The following PXDNL variants were observed in gnomAD, a reference collection of about 807,000 sequenced individuals.
The protein encoded by PXDNL is peroxidasin like, also known as probable oxidoreductase PXDNL.
Under a neutral mutation model 150.8 loss-of-function variants are expected in PXDNL, and 145 were observed. That is an observed-to-expected ratio of 0.96 (90% CI 0.84 to 1.10). The LOEUF (loss-of-function observed/expected upper bound fraction) is 1.10, where lower values mean the gene tolerates loss of function less well. Ranked by LOEUF, PXDNL falls within the 50% of genes least tolerant of loss-of-function variation. The probability of loss-of-function intolerance (pLI) is 0.00; values close to 1 mark genes in which losing one functional copy is unlikely to be tolerated. For synonymous variants in PXDNL, 757 were observed against 725.7 expected (o/e 1.04, Z -0.69); for missense variants, 2,087 against 1,873.9 (o/e 1.11, Z -2.10).
chr8:51,685,490 C>T (rs1199183791), intron 1 of PXDNL, among the ~76,000 whole-genome samples: 2 of 152,234 alleles, frequency 1.3e-5, no homozygotes, highest in Non-Finnish European at 2.9e-5. Context: ...TATAGCTGGG[C>T]TCTCCTAGTC....
rs1382312494 is a variant in PXDNL, at chr8:51,429,902, G to A, written c.1526-3144C>T. Reference sequence around the variant, plus strand: ...TTTTTCTTATGTATTTAAATCACATGGTATATTCTAAGTTAACACATGCAT... The same window carrying A: ...TTTTTCTTATGTATTTAAATCACATAGTATATTCTAAGTTAACACATGCAT... On this transcript the variant is annotated intron_variant, in intron 12 of 22. Transcript: ENST00000356297. Among the ~76,000 whole-genome samples, 5 of 151,978 alleles carry A rather than the reference G, an allele frequency of 3.3e-5. No individual in the cohort carries two copies. The South Asian group carries it at 8.3e-4, about 25-fold the overall frequency.
intron 1 of PXDNL, among the ~76,000 whole-genome samples, chr8:51,774,371 T>G (rs2037329322): frequency 6.6e-6 from 1 of 152,216 alleles, no homozygotes; most frequent in African/African-American, 2.4e-5. Flanking sequence ...AAGGCTATTC[T>G]TTATTGCTTT....
At chr8:51,399,642 C>G (rs539309159) in intron 17 of PXDNL, among the ~76,000 whole-genome samples, 29 of 152,284 alleles carry the variant, frequency 1.9e-4, no homozygotes, top group Admixed American at 5.9e-4. Context: ...TCTTTGTCTT[C>G]ACTGGGGTAA....
chr8:51,337,398 C>T (rs912254797), intron 21 of PXDNL, among the ~76,000 whole-genome samples: 2 of 152,212 alleles, frequency 1.3e-5, no homozygotes, highest in South Asian at 2.1e-4. Flanking sequence ...CCTTCTCTAG[C>T]CCAGCTCTGA....
intron 16 of PXDNL, among the ~76,000 whole-genome samples, chr8:51,410,833 G>T (rs1356330385): frequency 1.3e-5 from 2 of 152,066 alleles, no homozygotes; most frequent in East Asian, 3.9e-4. Context: ...AAAGAACTGG[G>T]GAGGTATTAT....
chr8:51,714,535 T>G (rs1459529771), intron 1 of PXDNL, among the ~76,000 whole-genome samples: 1 of 152,178 alleles, frequency 6.6e-6, no homozygotes, highest in Non-Finnish European at 1.5e-5. Flanking sequence ...TGGAAAATGC[T>G]TAAGTTTAAA....
chr8:51,644,377 T>TACACAC (rs768658260), intron 2 of PXDNL, among the ~76,000 whole-genome samples: 1 of 79,430 alleles, frequency 1.3e-5, no homozygotes, highest in South Asian at 5.6e-4. Flanking sequence ...TGTATATATA[T>TACACAC]ACACACACAT....
At chr8:51,412,259 G>C (rs551767001) in intron 15 of PXDNL, among the ~76,000 whole-genome samples, 28 of 152,218 alleles carry the variant, frequency 1.8e-4, no homozygotes, top group African/African-American at 6.7e-4. Flanking sequence ...AGTTCACTTT[G>C]GTTAAGCACT....
intron 17 of PXDNL, among the ~76,000 whole-genome samples, chr8:51,403,707 C>T (rs1032627537): frequency 4.6e-5 from 7 of 152,168 alleles, no homozygotes; most frequent in Non-Finnish European, 1.0e-4. Flanking sequence ...TGGGTTTCCG[C>T]ACCGCTATGA....
Position 51,544,123 on chromosome 8 carries a change from C to A in PXDNL, c.380+12717G>T, listed in dbSNP as rs116662118. Among the ~76,000 whole-genome samples the A allele has an allele frequency of 3.9e-3, 596 of 152,238 alleles. 8 individuals carry two copies. The highest frequency in any genetic ancestry group is 0.014 in the African/African-American group (578 of 41,540). ...GTGTATGTAAAAGGAGAAAATAATA[C>A]CTAATCAAAAGGTCTTTACCTTTGG... On this transcript the variant is annotated intron_variant, in intron 4 of 22. Coordinates refer to ENST00000356297, the MANE Select transcript of PXDNL (RefSeq NM_144651.5).
intron 8 of PXDNL, among the ~76,000 whole-genome samples, chr8:51,470,234 G>A (rs1036927713): frequency 2.6e-5 from 4 of 151,924 alleles, no homozygotes; most frequent in Admixed American, 2.0e-4. Flanking sequence ...TCTTTCTCGT[G>A]GGCTAGTTTC....
intron 17 of PXDNL, among the ~76,000 whole-genome samples, chr8:51,402,884 A>G (rs1207057671): frequency 6.8e-6 from 1 of 148,136 alleles, no homozygotes; most frequent in African/African-American, 2.5e-5. Context: ...AACATGGTAA[A>G]ACCCCGTCTC....
At chr8:51,644,623 C>T (rs1814876801) in intron 2 of PXDNL, among the ~76,000 whole-genome samples, 1 of 76 alleles carries the variant, frequency 0.013, no homozygotes, top group Non-Finnish European at 0.023. Context: ...CCGCGCCCAG[C>T]TATTTTTGTA....
At chr8:51,559,837 A>G (rs1191537002) in intron 3 of PXDNL, among the ~76,000 whole-genome samples, 2 of 152,066 alleles carry the variant, frequency 1.3e-5, no homozygotes, top group Non-Finnish European at 2.9e-5. Flanking sequence ...AGGAAAGAAG[A>G]AAGCAAGAAG....
chr8:51,646,561 A>G (rs1814923022), intron 2 of PXDNL, among the ~76,000 whole-genome samples: 1 of 152,182 alleles, frequency 6.6e-6, no homozygotes, highest in Non-Finnish European at 1.5e-5. Flanking sequence ...ATGGCAGCCA[A>G]CGGTTACCTT....
intron 4 of PXDNL, among the ~76,000 whole-genome samples, chr8:51,506,860 G>A (rs997415759): frequency 1.1e-4 from 16 of 152,148 alleles, no homozygotes; most frequent in African/African-American, 3.9e-4. Context: ...GCGCCAACCT[G>A]TGACTTTCCC....
intron 19 of PXDNL, among the ~76,000 whole-genome samples, chr8:51,365,398 G>A (rs1806883583): frequency 6.6e-6 from 1 of 152,222 alleles, no homozygotes; most frequent in African/African-American, 2.4e-5. Context: ...AGATTCAGTT[G>A]TAAGGAATTA....
chr8:51,341,444 TTTTG>T (rs1408573523), intron 20 of PXDNL, among the ~76,000 whole-genome samples: 5 of 152,168 alleles, frequency 3.3e-5, no homozygotes, highest in Admixed American at 6.5e-5. Context: ...TTGTTTTGGT[TTTTG>T]TTTGTTTATT....
chr8:51,548,439 C>G (rs189216367), intron 4 of PXDNL, among the ~76,000 whole-genome samples: 2 of 152,178 alleles, frequency 1.3e-5, no homozygotes, highest in Admixed American at 6.5e-5. Context: ...AGTTGTGAGG[C>G]AAAAGTACCA....
Sources: allele counts gnomAD v4.1 joint callset (sites outside exome capture counted in the v4.1 genomes callset), GRCh38; gene constraint gnomAD v4.1.1; transcripts MANE v1.5; gene names NCBI Gene and HGNC (gene_info 2026-07-23, HGNC 2026-07-21).